The following TENM1 variants were observed in gnomAD, a reference collection of about 807,000 sequenced individuals.
TENM1 encodes teneurin-1.
In TENM1, 35 loss-of-function variants were observed where a neutral mutation model predicts 174.8. The observed-to-expected ratio is 0.20, with a 90% CI of 0.15 to 0.27. TENM1 has a LOEUF of 0.27. Among genes scored for constraint, TENM1 ranks in the 10% least tolerant of loss-of-function variants. The pLI is 1.00. For synonymous variants in TENM1, 781 were observed against 798.7 expected, an observed-to-expected ratio of 0.98 and a Z score of 0.37; for missense variants, 1,633 against 2,130.1, an observed-to-expected ratio of 0.77 and a Z score of 4.59.
intron 5 of TENM1, among the ~76,000 whole-genome samples, chrX:124,674,303 CAAAAAAAA>C (rs745969451): frequency 2.4e-4 from 4 of 16,624 alleles, no homozygotes; most frequent in Non-Finnish European, 4.6e-4. Flanking sequence ...TATCAAAAGG[CAAAAAAAA>C]AAAAAAAAAA....
At chrX:125,126,036 T>C in the TENM1 span, among the ~76,000 whole-genome samples, 4 of 112,307 alleles carry the variant, frequency 3.6e-5, no homozygotes, top group Admixed American at 9.4e-5. Flanking sequence ...AAACTGGCTG[T>C]TTCTAAACGT....
At chrX:124,552,570 C>T (rs777112029) in intron 14 of TENM1, among the ~76,000 whole-genome samples, 14 of 111,883 alleles carry the variant, frequency 1.3e-4, no homozygotes, top group Admixed American at 6.6e-4. Flanking sequence ...TGTTTGTATG[C>T]CACTAATGTT....
chrX:124,649,091 G>GAA (rs200075952), intron 8 of TENM1, among the ~76,000 whole-genome samples: 7 of 109,710 alleles, frequency 6.4e-5, no homozygotes, highest in African/African-American at 1.7e-4. Context: ...AACTAGCCAT[G>GAA]AAAAAAAAAT....
At chrX:125,161,782 A>G in the TENM1 span, among the ~76,000 whole-genome samples, 2 of 112,375 alleles carry the variant, frequency 1.8e-5, no homozygotes, top group Non-Finnish European at 3.8e-5. Flanking sequence ...GGTGAGTTTT[A>G]TTTTATGTGA....
intron 3 of TENM1, among the ~76,000 whole-genome samples, chrX:124,880,545 G>A (rs2057284902): frequency 9.0e-6 from 1 of 111,612 alleles, no homozygotes; most frequent in African/African-American, 3.3e-5. Flanking sequence ...TTCTGGCTAG[G>A]ACTTCCAGTA....
At position 124,827,300 on chromosome X, in the gene TENM1, C is replaced by T. The variant is rs1329846223; in HGVS notation, c.535+66996G>A. ...TCCTGACCTCATGATCTGCCCGCCT[C>T]GGCTTCCCAAAGTGCTGGGATTACA... On this transcript the variant is annotated intron_variant, in intron 3 of 31. Transcript: ENST00000422452. 3.6e-5 allele frequency among the ~76,000 whole-genome samples: 4 copies of T among 111,853 alleles called. No individual in the cohort carries two copies. The East Asian group carries it at 8.4e-4, about 24-fold the overall frequency.
At chrX:125,151,425 C>T in the TENM1 span, among the ~76,000 whole-genome samples, 2 of 111,375 alleles carry the variant, frequency 1.8e-5, no homozygotes, top group African/African-American at 3.3e-5. Flanking sequence ...TAGATTATTG[C>T]TTTGTGAGAG....
chrX:124,737,172 C>T (rs372202488), exon 4 of TENM1: 20 of 1,205,650 alleles, frequency 1.7e-5, no homozygotes, highest in Non-Finnish European at 2.1e-5. Context: ...TGAAGGTGAA[C>T]TGGTTGTGTG....
the TENM1 span, among the ~76,000 whole-genome samples, chrX:125,049,328 A>T: frequency 8.9e-6 from 1 of 112,363 alleles, no homozygotes; most frequent in African/African-American, 3.2e-5. Context: ...TATAAATGGA[A>T]TCAAACAATT....
intron 1 of TENM1, among the ~76,000 whole-genome samples, chrX:124,899,978 A>G (rs1449599710): frequency 8.9e-6 from 1 of 112,675 alleles, no homozygotes; most frequent in African/African-American, 3.2e-5. Context: ...CAACCACATA[A>G]GAAAAAAGTG....
intron 28 of TENM1, among the ~76,000 whole-genome samples, chrX:124,390,144 G>C (rs1000023237): frequency 8.9e-6 from 1 of 112,008 alleles, no homozygotes; most frequent in African/African-American, 3.2e-5. Flanking sequence ...CGTTTTTGTA[G>C]CAAAGAGAAC....
chrX:124,937,346 T>A (rs2058261143), intron 1 of TENM1, among the ~76,000 whole-genome samples: 2 of 111,836 alleles, frequency 1.8e-5, no homozygotes, highest in Admixed American at 9.5e-5. Flanking sequence ...TTATTTCTCC[T>A]GTCTAGACTC....
chrX:124,886,140 C>A (rs1431033729), intron 3 of TENM1, among the ~76,000 whole-genome samples: 1 of 111,333 alleles, frequency 9.0e-6, no homozygotes, highest in Non-Finnish European at 1.9e-5. Flanking sequence ...TAGGCTCAGC[C>A]ATATTTTTTT....
At chrX:124,453,309 A>T in intron 23 of TENM1, 28 bp downstream of exon 26, 1 of 1,181,898 alleles carries the variant, frequency 8.5e-7, no homozygotes, top group Non-Finnish European at 1.1e-6. Context: ...CCAAATGACA[A>T]TAATACTTGA....
chrX:124,826,094 C>A (rs186947470), intron 3 of TENM1, among the ~76,000 whole-genome samples: 79 of 111,518 alleles, frequency 7.1e-4, no homozygotes, highest in African/African-American at 2.4e-3. Context: ...GGCAAAGATA[C>A]ATGCAAGAAG....
At chrX:124,377,269 T>C (rs2060114105) in exon 32 of TENM1, 1 of 111,516 alleles carries the variant, frequency 9.0e-6, no homozygotes, top group Non-Finnish European at 1.9e-5. Flanking sequence ...TTCCAAATTA[T>C]ACATTGTCAA....
rs775002875 is a variant in TENM1, at chrX:124,406,456, C to G, written c.5016G>C (p.Thr1672=). Residue 1672 remains threonine, a synonymous_variant, in exon 26 of 32, where the codon ACG becomes ACC. Transcript: ENST00000422452. ...AGCTGCTGACCTCTCCAGTGGGAAA[C>G]GTTGCATTGGTCAGGTGTCCCTCGG... 6 of 1,205,745 alleles carry G rather than the reference C, an allele frequency of 5.0e-6. No homozygotes were observed. In the African/African-American group the frequency reaches 1.1e-4, roughly 21 times the overall value.
At chrX:124,629,638 T>G (rs1291184335) in intron 11 of TENM1, among the ~76,000 whole-genome samples, 1 of 112,296 alleles carries the variant, frequency 8.9e-6, no homozygotes, top group East Asian at 2.8e-4. Context: ...ATTTCCCTAT[T>G]TTACAGGAGA....
intron 15 of TENM1, among the ~76,000 whole-genome samples, chrX:124,542,640 C>T (rs1374357649): frequency 6.3e-5 from 7 of 111,000 alleles, no homozygotes; most frequent in Non-Finnish European, 1.1e-4. Context: ...CAAATTCCTG[C>T]GAACATACAC....
Sources: allele counts gnomAD v4.1 joint callset (sites outside exome capture counted in the v4.1 genomes callset), GRCh38; gene constraint gnomAD v4.1.1; transcripts MANE v1.5; gene names NCBI Gene and HGNC (gene_info 2026-07-23, HGNC 2026-07-21).